MAGI2: variants seen among roughly 807,000 people sequenced by gnomAD.
MAGI2 encodes the protein membrane associated guanylate kinase, WW and PDZ domain containing 2.
In MAGI2, 35 loss-of-function variants were observed where a neutral mutation model predicts 133.3. The observed-to-expected ratio is 0.26, with a 90% CI of 0.20 to 0.35. The LOEUF (loss-of-function observed/expected upper bound fraction) is 0.35, where lower values mean the gene tolerates loss of function less well. MAGI2 is among the 10% of genes least tolerant of loss of function. MAGI2 has a pLI of 1.00. For synonymous variants in MAGI2, 729 were observed against 710.6 expected, an observed-to-expected ratio of 1.03 and a Z score of -0.41; for missense variants, 1,636 against 1,863.4, an observed-to-expected ratio of 0.88 and a Z score of 2.25.
At chr7:78,540,955 G>A (rs1798366944) in intron 3 of MAGI2, among the ~76,000 whole-genome samples, 1 of 152,324 alleles carries the variant, frequency 6.6e-6, no homozygotes, top group East Asian at 1.9e-4. Flanking sequence ...AGCCATCTCA[G>A]AGTTTGCCGT....
chr7:78,638,656 C>T (rs576691364), intron 2 of MAGI2, among the ~76,000 whole-genome samples: 2 of 152,294 alleles, frequency 1.3e-5, no homozygotes, highest in African/African-American at 4.8e-5. Flanking sequence ...GACAGATCAA[C>T]ACTGCATTCT....
rs1211821405 is a variant in MAGI2, at chr7:78,019,124, G to T, written c.*191C>A. 3.3e-6 allele frequency: 2 copies of T among 614,782 alleles called. No individual in the cohort carries two copies. The highest frequency in any genetic ancestry group is 3.9e-5 in the African/African-American group (2 of 51,832). The allele number at this position is 614,782 out of a possible 1,614,324, so 38.1% of individuals were successfully genotyped here. ...AAGGGAACCGGGGGCTTTAGGATCA[G>T]TTTAGGTCTGCGCGTTGATGCGATG... On this transcript the variant is annotated 3_prime_UTR_variant, in exon 22 of 22. Coordinates refer to ENST00000354212, the MANE Select transcript of MAGI2 (RefSeq NM_012301.4).
rs555970136 is a variant in MAGI2 at position 78,991,386 on chromosome 7, G to A, written c.418+15704C>T. Among the ~76,000 whole-genome samples, 37 of 151,284 alleles carry A rather than the reference G, an allele frequency of 2.4e-4. No homozygotes were observed. The South Asian group carries it at 6.9e-3, about 28-fold the overall frequency. On this transcript the variant is annotated intron_variant, in intron 2 of 21. Coordinates refer to ENST00000354212, the MANE Select transcript of MAGI2 (RefSeq NM_012301.4). Reference sequence around the variant, plus strand: ...TTCATATAGACATAAATATATAGTTGTCTACATCTATATCTACACATAGAG... The same window carrying A: ...TTCATATAGACATAAATATATAGTTATCTACATCTATATCTACACATAGAG...
At chr7:78,495,671 G>A (rs1490516335) in intron 5 of MAGI2, among the ~76,000 whole-genome samples, 1 of 152,048 alleles carries the variant, frequency 6.6e-6, no homozygotes, top group African/African-American at 2.4e-5. Context: ...GTTCTTTAGT[G>A]GTTGTTTCCT....
At chr7:78,250,734 G>A (rs1269094885) in intron 10 of MAGI2, among the ~76,000 whole-genome samples, 1 of 151,882 alleles carries the variant, frequency 6.6e-6, no homozygotes, top group African/African-American at 2.4e-5. Context: ...AAAAGAAATG[G>A]AATTAATAAC....
intron 1 of MAGI2, among the ~76,000 whole-genome samples, chr7:79,367,668 A>G (rs550002414): frequency 3.0e-4 from 45 of 152,008 alleles, no homozygotes; most frequent in African/African-American, 9.7e-4. Flanking sequence ...AGTACCTGGC[A>G]TAAATATATG....
At chr7:79,225,304 C>G (rs1309943441) in intron 1 of MAGI2, among the ~76,000 whole-genome samples, 2 of 152,152 alleles carry the variant, frequency 1.3e-5, no homozygotes. Context: ...TGTAAGAACC[C>G]CACAAATGCT....
intron 2 of MAGI2, among the ~76,000 whole-genome samples, chr7:78,810,700 T>A: frequency 6.6e-6 from 1 of 152,098 alleles, no homozygotes; most frequent in Non-Finnish European, 1.5e-5. Flanking sequence ...TGACTCCCAA[T>A]ACAATTTTAG....
chr7:79,106,437 AAG>A (rs1451551749), intron 1 of MAGI2, among the ~76,000 whole-genome samples: 3 of 152,210 alleles, frequency 2.0e-5, no homozygotes, highest in African/African-American at 7.2e-5. Flanking sequence ...GTATACCAAA[AAG>A]GGTAAATTTT....
chr7:78,296,231 T>C (rs1452639951), intron 9 of MAGI2, among the ~76,000 whole-genome samples: 2 of 152,322 alleles, frequency 1.3e-5, no homozygotes, highest in Non-Finnish European at 1.5e-5. Context: ...AGCCAGAAGA[T>C]GCCTTACTGT....
rs200205052 is a variant in MAGI2, at chr7:78,249,725, G to A, written c.2047+6218C>T. Among the ~76,000 whole-genome samples, 5 of 151,954 alleles carry A rather than the reference G, an allele frequency of 3.3e-5. No homozygotes were observed. The East Asian group carries it at 9.6e-4, about 29-fold the overall frequency. ...GGGAGGGTAGTGGGAAGGAGGGGTA[G>A]GGGGAAATTGTACAAAGGATACGAA... On this transcript the variant is annotated intron_variant, in intron 10 of 21. Transcript: ENST00000354212.
At chr7:79,378,584 T>C (rs770073137) in intron 1 of MAGI2, among the ~76,000 whole-genome samples, 1 of 151,558 alleles carries the variant, frequency 6.6e-6, no homozygotes, top group Non-Finnish European at 1.5e-5. Flanking sequence ...GGAAAAACTA[T>C]CAAGGATATA....
intron 2 of MAGI2, among the ~76,000 whole-genome samples, chr7:78,788,279 A>G (rs978627599): frequency 3.3e-5 from 5 of 152,236 alleles, no homozygotes; most frequent in Non-Finnish European, 5.9e-5. Context: ...AAGAATTTCT[A>G]CTCTGTGAAT....
chr7:78,633,623 G>A (rs1361755052), intron 2 of MAGI2, among the ~76,000 whole-genome samples: 1 of 150,272 alleles, frequency 6.7e-6, no homozygotes, highest in East Asian at 2.0e-4. Flanking sequence ...GGAGAATGGC[G>A]TGAACCCGGA....
chr7:79,376,834 GTGT>G, intron 1 of MAGI2, among the ~76,000 whole-genome samples: 1 of 145,148 alleles, frequency 6.9e-6, no homozygotes, highest in Non-Finnish European at 1.5e-5. Context: ...GTGTGTGTGT[GTGT>G]GTGGGTGTAT....
chr7:78,592,826 C>CTA, intron 3 of MAGI2, among the ~76,000 whole-genome samples: 1 of 77,076 alleles, frequency 1.3e-5, no homozygotes, highest in Non-Finnish European at 2.6e-5. Flanking sequence ...ATTACTGATT[C>CTA]TCTTTTTTTT....
chr7:78,800,074 A>G (rs1212522982), intron 2 of MAGI2, among the ~76,000 whole-genome samples: 1 of 152,152 alleles, frequency 6.6e-6, no homozygotes, highest in Non-Finnish European at 1.5e-5. Context: ...TCATCTTTCT[A>G]TAGTAAATAA....
intron 1 of MAGI2, among the ~76,000 whole-genome samples, chr7:79,102,338 GC>G (rs774442027): frequency 3.0e-4 from 45 of 151,944 alleles, no homozygotes; most frequent in Admixed American, 7.2e-4. Flanking sequence ...ATATTTGATT[GC>G]TTCCTTAAAA....
At chr7:78,123,154 G>T (rs1240314629) in intron 20 of MAGI2, among the ~76,000 whole-genome samples, 3 of 152,008 alleles carry the variant, frequency 2.0e-5, no homozygotes, top group Admixed American at 6.6e-5. Context: ...CTTATTTTCT[G>T]CATTCACAGA....
Sources: allele counts gnomAD v4.1 joint callset (sites outside exome capture counted in the v4.1 genomes callset), GRCh38; gene constraint gnomAD v4.1.1; transcripts MANE v1.5; gene names NCBI Gene and HGNC (gene_info 2026-07-23, HGNC 2026-07-21).